TRHDE: variants seen among roughly 807,000 people sequenced by gnomAD.
The protein encoded by TRHDE is thyrotropin releasing hormone degrading enzyme, also known as thyrotropin-releasing hormone-degrading ectoenzyme.
A neutral mutation model predicts 125.7 loss-of-function variants in TRHDE; 72 were observed. The ratio of observed to expected loss-of-function variants is 0.57; its 90% CI spans 0.47 to 0.70. The LOEUF (loss-of-function observed/expected upper bound fraction) is 0.70, where lower values mean the gene tolerates loss of function less well. Ranked by LOEUF, TRHDE falls within the 30% of genes least tolerant of loss-of-function variation. The pLI, the probability that TRHDE is intolerant of heterozygous loss-of-function variation, is 0.00. For synonymous variants in TRHDE, 509 were observed against 509.1 expected (o/e 1.00, Z 0.00); for missense variants, 1,110 against 1,327.1 (o/e 0.84, Z 2.54).
chr12:72,382,448 T>C (rs1335913259), intron 3 of TRHDE, among the ~76,000 whole-genome samples: 1 of 152,002 alleles, frequency 6.6e-6, no homozygotes, highest in African/African-American at 2.4e-5. Context: ...AGGCCTGTAG[T>C]ATAACAATAC....
rs371829252 is a variant in TRHDE at position 72,575,301 on chromosome 12, G to A, written c.2178G>A (p.Gly726=). 5.7e-5 allele frequency: 92 copies of A among 1,613,362 alleles called. No homozygotes were observed. The highest frequency in any genetic ancestry group is 7.5e-5 in the Non-Finnish European group (89 of 1,179,684). Residue 726 remains glycine, a synonymous_variant, in exon 11 of 19, where the codon GGG becomes GGA. Transcript: ENST00000261180. The part of the protein sequence containing the change: ...TYLDKGSWLL[G]NINQTGYFRV... ...TGGACAAAGGAAGCTGGCTGCTGGG[G>A]AACATCAATCAAACTGGCTATTTTA...
intron 3 of TRHDE, among the ~76,000 whole-genome samples, chr12:72,398,249 T>C (rs1592416506): frequency 6.6e-6 from 1 of 152,058 alleles, no homozygotes; most frequent in Non-Finnish European, 1.5e-5. Flanking sequence ...GACATTTGGA[T>C]TGGTTCCAAG....
At chr12:72,531,830 A>T (rs1302983566) in intron 6 of TRHDE, among the ~76,000 whole-genome samples, 2 of 151,970 alleles carry the variant, frequency 1.3e-5, no homozygotes, top group Admixed American at 1.3e-4. Context: ...TTATATGTTT[A>T]TTTCTGCTCC....
intron 2 of TRHDE, among the ~76,000 whole-genome samples, chr12:72,210,042 G>C (rs140948355): frequency 0.017 from 2,574 of 152,216 alleles, 44 homozygotes; most frequent in Middle Eastern, 0.045. Context: ...ACAACTGCAA[G>C]GGGAACAGTT....
intron 6 of TRHDE, among the ~76,000 whole-genome samples, chr12:72,523,652 G>A (rs892482832): frequency 1.3e-5 from 2 of 152,088 alleles, no homozygotes; most frequent in African/African-American, 4.8e-5. Flanking sequence ...AGATTGCATT[G>A]ATTTAGCTTA....
At chr12:72,179,260 T>G (rs973293920) in intron 2 of TRHDE, among the ~76,000 whole-genome samples, 34 of 152,122 alleles carry the variant, frequency 2.2e-4, no homozygotes, top group African/African-American at 8.2e-4. Context: ...AACAGTATTT[T>G]GAAGTCAGTA....
At chr12:72,168,343 G>A (rs1566261888) in intron 2 of TRHDE, among the ~76,000 whole-genome samples, 1 of 152,150 alleles carries the variant, frequency 6.6e-6, no homozygotes, top group Non-Finnish European at 1.5e-5. Context: ...TTTTGTATGT[G>A]ATAGATTTAT....
chr12:72,593,694 T>G (rs1437077297), intron 12 of TRHDE, among the ~76,000 whole-genome samples: 1 of 151,366 alleles, frequency 6.6e-6, no homozygotes, highest in Non-Finnish European at 1.5e-5. Flanking sequence ...AGGCCCTGTG[T>G]GTAATGTTCC....
At chr12:72,105,472 C>G (rs1438174472) in intron 1 of TRHDE, among the ~76,000 whole-genome samples, 2 of 152,138 alleles carry the variant, frequency 1.3e-5, no homozygotes, top group African/African-American at 4.8e-5. Context: ...TTATGGACAG[C>G]TGTGAATGCC....
chr12:72,252,524 C>T (rs764038240), intron 2 of TRHDE, among the ~76,000 whole-genome samples: 3 of 152,100 alleles, frequency 2.0e-5, no homozygotes, highest in Non-Finnish European at 4.4e-5. Context: ...GCAAATACCA[C>T]ACAGTCTTGA....
chr12:72,434,677 G>A (rs1874659767), intron 3 of TRHDE, among the ~76,000 whole-genome samples: 1 of 152,102 alleles, frequency 6.6e-6, no homozygotes, highest in Admixed American at 6.6e-5. Context: ...CTAATAATAA[G>A]GTCCCATGCT....
intron 15 of TRHDE, among the ~76,000 whole-genome samples, chr12:72,648,093 A>T (rs1874357043): frequency 6.6e-6 from 1 of 152,116 alleles, no homozygotes; most frequent in African/African-American, 2.4e-5. Flanking sequence ...GGATGCTTCC[A>T]CATACAAAAA....
At chr12:72,660,556 C>T (rs1318941296) in intron 18 of TRHDE, among the ~76,000 whole-genome samples, 2 of 152,170 alleles carry the variant, frequency 1.3e-5, no homozygotes, top group Admixed American at 6.5e-5. Context: ...GGTCACTTCT[C>T]ACAATGTCCC....
intron 12 of TRHDE, among the ~76,000 whole-genome samples, chr12:72,592,985 T>A (rs1871757794): frequency 6.6e-6 from 1 of 152,192 alleles, no homozygotes. Flanking sequence ...AGTGCTGGGA[T>A]TACAGGCGTG....
chr12:72,141,192 A>G (rs1876103729), intron 2 of TRHDE, among the ~76,000 whole-genome samples: 2 of 152,146 alleles, frequency 1.3e-5, no homozygotes, highest in Admixed American at 6.5e-5. Flanking sequence ...CAGGCCCTCA[A>G]GGAAAGTTTC....
chr12:72,313,223 T>G (rs1013351480), intron 2 of TRHDE, among the ~76,000 whole-genome samples: 1 of 152,052 alleles, frequency 6.6e-6, no homozygotes, highest in African/African-American at 2.4e-5. Context: ...TTTAAAAAAT[T>G]TCAGACTTTA....
chr12:72,603,541 T>C (rs556006733), intron 12 of TRHDE, among the ~76,000 whole-genome samples: 29 of 152,042 alleles, frequency 1.9e-4, no homozygotes, highest in African/African-American at 3.9e-4. Context: ...CTGGCTAACA[T>C]GGTGAAACCC....
chr12:72,421,387 T>C (rs1873946319), intron 3 of TRHDE, among the ~76,000 whole-genome samples: 1 of 152,272 alleles, frequency 6.6e-6, no homozygotes, highest in South Asian at 2.1e-4. Flanking sequence ...CTGTGGCTGA[T>C]GATATGAATA....
At chr12:72,648,809 T>C (rs1384149658) in intron 15 of TRHDE, among the ~76,000 whole-genome samples, 1 of 151,690 alleles carries the variant, frequency 6.6e-6, no homozygotes, top group East Asian at 1.9e-4. Flanking sequence ...AAATAAACTT[T>C]CAAAAGAATA....
Sources: gnomAD v4.1 joint callset for allele counts (sites outside exome capture counted in the v4.1 genomes callset) on GRCh38, gnomAD v4.1.1 for gene constraint, MANE v1.5 for transcripts, NCBI Gene and HGNC (gene_info 2026-07-23, HGNC 2026-07-21) for gene names.